The following STUM variants were observed in gnomAD, a reference collection of about 807,000 sequenced individuals.
STUM encodes the protein protein stum homolog.
Under a neutral mutation model 15.3 loss-of-function variants are expected in STUM, and 8 were observed. The observed-to-expected ratio is 0.52, with a 90% CI of 0.31 to 0.94. STUM has a LOEUF of 0.94. Ranked by LOEUF, STUM falls within the 40% of genes least tolerant of loss-of-function variation. STUM has a pLI of 0.05. For missense variants in STUM, 142 were observed against 204.9 expected, an observed-to-expected ratio of 0.69 and a Z score of 1.87; for synonymous variants, 78 against 88.7, an observed-to-expected ratio of 0.88 and a Z score of 0.68.
At chr1:226,582,509 C>A (rs1667935585) in intron 1 of STUM, among the ~76,000 whole-genome samples, 1 of 151,754 alleles carries the variant, frequency 6.6e-6, no homozygotes. Context: ...GCAGGAGAAT[C>A]ACTTGAACCT....
chr1:226,556,575 G>T (rs753831453), intron 1 of STUM, among the ~76,000 whole-genome samples: 1 of 152,156 alleles, frequency 6.6e-6, no homozygotes, highest in Non-Finnish European at 1.5e-5. Flanking sequence ...TCAACATTAG[G>T]TTCATGATGC....
Position 226,602,084 on chromosome 1 carries a change from G to T in STUM, c.*44G>T. On this transcript the variant is annotated 3_prime_UTR_variant, in exon 4 of 4. Transcript: ENST00000366788. ...GGAGATCCAGGGGGGCCCTGTGAGG[G>T]CTGCACCAGGCAGCTTTGGGCACAA... 1 of 1,535,938 alleles carries T rather than the reference G, an allele frequency of 6.5e-7. No homozygotes were observed. The highest frequency in any genetic ancestry group is 8.9e-7 in the Non-Finnish European group (1 of 1,121,608).
intron 1 of STUM, among the ~76,000 whole-genome samples, chr1:226,557,346 G>A (rs1380007372): frequency 6.6e-6 from 1 of 152,158 alleles, no homozygotes; most frequent in Non-Finnish European, 1.5e-5. Context: ...CGCCTTTTAA[G>A]GCATATATAC....
intron 1 of STUM, among the ~76,000 whole-genome samples, chr1:226,574,259 C>G (rs571372091): frequency 2.6e-5 from 4 of 152,314 alleles, no homozygotes; most frequent in African/African-American, 9.6e-5. Flanking sequence ...AGCTATCTGA[C>G]CCTGGTAACC....
At position 226,602,416 on chromosome 1, in the gene STUM, T is replaced by C. The variant is rs2102715706; in HGVS notation, c.*376T>C. 3.9e-6 allele frequency: 1 copy of C among 256,626 alleles called. No individual in the cohort carries two copies. The highest frequency in any genetic ancestry group is 1.4e-3 in the Middle Eastern group (1 of 728). The allele number at this position is 256,626 out of a possible 1,614,324, so 15.9% of individuals were successfully genotyped here. On this transcript the variant is annotated 3_prime_UTR_variant, in exon 4 of 4. Coordinates refer to ENST00000366788, the MANE Select transcript of STUM (RefSeq NM_001003665.4). ...CGGGCCACACCGGGCCCTGTCTGGG[T>C]GAGCAGGGGCTCACCAAGGGGACAG...
chr1:226,585,753 T>G (rs983346702), intron 1 of STUM, among the ~76,000 whole-genome samples: 19 of 152,198 alleles, frequency 1.2e-4, no homozygotes, highest in African/African-American at 4.6e-4. Context: ...AGGTACTTCG[T>G]AAGTGCCAGC....
At chr1:226,569,779 G>A (rs898162127) in intron 1 of STUM, among the ~76,000 whole-genome samples, 8 of 152,186 alleles carry the variant, frequency 5.3e-5, no homozygotes, top group Non-Finnish European at 8.8e-5. Flanking sequence ...GCCTGCCTGC[G>A]TGACCCTCTT....
At chr1:226,551,726 A>G (rs983139452) in intron 1 of STUM, among the ~76,000 whole-genome samples, 1 of 152,250 alleles carries the variant, frequency 6.6e-6, no homozygotes, top group African/African-American at 2.4e-5. Context: ...TGAATAAATC[A>G]GTCAGGATGT....
At chr1:226,551,524 G>A (rs1159857709) in intron 1 of STUM, among the ~76,000 whole-genome samples, 1 of 152,324 alleles carries the variant, frequency 6.6e-6, no homozygotes, top group African/African-American at 2.4e-5. Flanking sequence ...AATGGCCCCA[G>A]CTCTTGGAAA....
chr1:226,568,720 C>T (rs367903571), intron 1 of STUM, among the ~76,000 whole-genome samples: 1 of 152,244 alleles, frequency 6.6e-6, no homozygotes, highest in Admixed American at 6.5e-5. Flanking sequence ...TCCCTTGTCC[C>T]TTGACTTTGG....
At chr1:226,554,399 C>T (rs1205267251) in intron 1 of STUM, among the ~76,000 whole-genome samples, 4 of 152,100 alleles carry the variant, frequency 2.6e-5, no homozygotes, top group African/African-American at 7.2e-5. Context: ...TCATATAAAA[C>T]GGGAGTCAAG....
intron 1 of STUM, among the ~76,000 whole-genome samples, chr1:226,554,658 A>G (rs1225330949): frequency 6.6e-6 from 1 of 152,178 alleles, no homozygotes. Context: ...CTCTTTGGAG[A>G]CTGGGGAAGC....
chr1:226,584,349 C>T (rs1191082548), intron 1 of STUM, among the ~76,000 whole-genome samples: 1 of 152,198 alleles, frequency 6.6e-6, no homozygotes, highest in Non-Finnish European at 1.5e-5. Flanking sequence ...GAAGTGAAAT[C>T]CAGCAGTTTG....
chr1:226,597,405 T>C (rs1668199938), intron 2 of STUM: 1 of 473,770 alleles, frequency 2.1e-6, no homozygotes, highest in Non-Finnish European at 4.4e-6. Context: ...CCCTGTATTT[T>C]CCCACGCCCA....
chr1:226,607,221 G>C lies in STUM; in HGVS notation c.*5181G>C, dbSNP rs1668376702. On this transcript the variant is annotated 3_prime_UTR_variant, in exon 4 of 4. Transcript: ENST00000366788. ...TTTTTCATCAATCAGTTTTCTTCCT[G>C]CAAGATTCTTAGAGCTGGATGTTCA... 1 of 152,350 alleles carries C rather than the reference G, an allele frequency of 6.6e-6. No individual in the cohort carries two copies. The highest frequency in any genetic ancestry group is 1.5e-5 in the Non-Finnish European group (1 of 68,170). The allele number at this position is 152,350 out of a possible 1,614,324, so 9.4% of individuals were successfully genotyped here.
chr1:226,556,943 T>A lies in STUM; in HGVS notation c.202+7837T>A, dbSNP rs1203358192. On this transcript the variant is annotated intron_variant, in intron 1 of 3. Transcript: ENST00000366788. ...GGAATAATTACATCAAGCTAGTTAA[T>A]GTATCCATCATCTCAAATACTTAAC... is the stretch of plus-strand genomic sequence containing the variant. Among the ~76,000 whole-genome samples, 4 of 152,240 alleles carry A rather than the reference T, an allele frequency of 2.6e-5. No individual in the cohort carries two copies. The East Asian group carries it at 7.7e-4, about 29-fold the overall frequency.
At chr1:226,550,104 C>A (rs529549263) in intron 1 of STUM, among the ~76,000 whole-genome samples, 54 of 152,228 alleles carry the variant, frequency 3.5e-4, no homozygotes, top group Non-Finnish European at 6.9e-4. Flanking sequence ...CGGGAGAAAG[C>A]GTGCCCCTGT....
chr1:226,582,836 A>G (rs990545785), intron 1 of STUM, among the ~76,000 whole-genome samples: 3 of 152,144 alleles, frequency 2.0e-5, no homozygotes, highest in Non-Finnish European at 4.4e-5. Flanking sequence ...TTTCCTGGTA[A>G]CCAACAAGTT....
intron 1 of STUM, among the ~76,000 whole-genome samples, chr1:226,569,712 C>G (rs534847753): frequency 2.6e-4 from 39 of 152,282 alleles, no homozygotes; most frequent in African/African-American, 8.9e-4. Flanking sequence ...AACGTACCCC[C>G]AAAGCCTGGG....
Sources: gnomAD v4.1 joint callset for allele counts (sites outside exome capture counted in the v4.1 genomes callset) on GRCh38, gnomAD v4.1.1 for gene constraint, MANE v1.5 for transcripts, NCBI Gene and HGNC (gene_info 2026-07-23, HGNC 2026-07-21) for gene names.